Variants in CYP2J2 observed in about 807,000 individuals in gnomAD.
The protein encoded by CYP2J2 is cytochrome P450 family 2 subfamily J member 2.
A neutral mutation model predicts 48.8 loss-of-function variants in CYP2J2; 41 were observed. The ratio of observed to expected loss-of-function variants is 0.84; its 90% CI spans 0.66 to 1.09. The LOEUF is 1.09. Ranked by LOEUF, CYP2J2 falls within the 50% of genes least tolerant of loss-of-function variation. CYP2J2 has a pLI of 0.00. For synonymous variants in CYP2J2, 221 were observed against 227.1 expected (o/e 0.97, Z 0.24); for missense variants, 644 against 617.3 (o/e 1.04, Z -0.46).
chr1:59,915,780 A>G (rs1282922425), intron 2 of CYP2J2, among the ~76,000 whole-genome samples, 158 bp downstream of exon 2: 3 of 152,192 alleles, frequency 2.0e-5, no homozygotes, highest in Non-Finnish European at 4.4e-5. Context: ...AGTGACTTCA[A>G]TCAGGAAATG....
Position 59,915,592 on chromosome 1 carries a change from C to A in CYP2J2, c.373+346G>T, listed in dbSNP as rs1419659166. The stretch of plus-strand genomic sequence containing the variant: ...GAAGCAGCAGCAGGAGGAGGAAGAT[C>A]CACATCCATTTTCCTAAGGAGAGAG... On this transcript the variant is annotated intron_variant, in intron 2 of 8. Coordinates refer to ENST00000371204, the MANE Select transcript of CYP2J2 (RefSeq NM_000775.4). Among the ~76,000 whole-genome samples, 3 of 152,086 alleles carry A rather than the reference C, an allele frequency of 2.0e-5. 1 individual carries two copies. Among genetic ancestry groups the A allele is most frequent in the African/African-American group, 7.2e-5 (3 of 41,424 alleles).
the CYP2J2 span, among the ~76,000 whole-genome samples, chr1:59,935,520 A>G: frequency 2.6e-5 from 4 of 152,204 alleles, no homozygotes; most frequent in African/African-American, 9.7e-5. Flanking sequence ...GTTCACCTTG[A>G]ATATATACAA....
intron 2 of CYP2J2, chr1:59,913,059 C>G (rs1273932168): frequency 6.6e-6 from 1 of 152,170 alleles, no homozygotes; most frequent in African/African-American, 2.4e-5. Flanking sequence ...CTATGGCCTG[C>G]TCACCCACTG....
intron 8 of CYP2J2, among the ~76,000 whole-genome samples, chr1:59,896,101 C>T (rs1225689643): frequency 6.6e-6 from 1 of 152,072 alleles, no homozygotes; most frequent in African/African-American, 2.4e-5. Context: ...CTTCCCCAGC[C>T]CTGGAATCAG....
chr1:59,901,360 C>T (rs895678830), intron 7 of CYP2J2, among the ~76,000 whole-genome samples: 1 of 152,150 alleles, frequency 6.6e-6, no homozygotes, highest in African/African-American at 2.4e-5. Context: ...CAGGATCGAG[C>T]TTCCTTACAG....
At chr1:59,915,428 G>A (rs1644455910) in intron 2 of CYP2J2, among the ~76,000 whole-genome samples, 1 of 152,090 alleles carries the variant, frequency 6.6e-6, no homozygotes, top group African/African-American at 2.4e-5. Context: ...ATTTTTAAAT[G>A]TTTCATTATA....
At chr1:59,952,684 C>G in the CYP2J2 span, among the ~76,000 whole-genome samples, 2 of 152,128 alleles carry the variant, frequency 1.3e-5, no homozygotes, top group Admixed American at 6.5e-5. Context: ...ATCAGAAATA[C>G]AAGTACTCCA....
Position 59,911,692 on chromosome 1 carries a change from G to A in CYP2J2, c.600C>T (p.Arg200=). ...GAAACCAACTATCCTGGTACTCAAA[G>A]CGTTCTCCGAAGGTGATGGAGCAAA... ...NIICSITFGE[R]FEYQDSWFQQ... Residue 200 remains arginine (R), a synonymous_variant, in exon 4 of 9, where the codon CGC becomes CGT. Transcript: ENST00000371204. 1 of 1,613,672 alleles carries A rather than the reference G, an allele frequency of 6.2e-7. No individual in the cohort carries two copies. The highest frequency in any genetic ancestry group is 8.5e-7 in the Non-Finnish European group (1 of 1,179,694).
intron 1 of CYP2J2, among the ~76,000 whole-genome samples, chr1:59,918,781 T>C (rs1372952249): frequency 6.6e-6 from 1 of 150,872 alleles, no homozygotes; most frequent in Non-Finnish European, 1.5e-5. Flanking sequence ...AGAAAAGAAC[T>C]GAAACAGAAT....
At chr1:59,895,314 A>G (rs951658010) in intron 8 of CYP2J2, among the ~76,000 whole-genome samples, 2 of 152,256 alleles carry the variant, frequency 1.3e-5, no homozygotes, top group Non-Finnish European at 2.9e-5. Context: ...GCCTTTTTAA[A>G]GATTACAGAC....
intron 6 of CYP2J2, 21 bp from the exon 7 acceptor site, chr1:59,905,079 C>G: frequency 1.2e-6 from 2 of 1,600,338 alleles, no homozygotes; most frequent in Non-Finnish European, 8.5e-7. Context: ...GGGAAGGGTT[C>G]TATTATTTTT....
the CYP2J2 span, among the ~76,000 whole-genome samples, chr1:59,932,485 A>G: frequency 4.6e-5 from 7 of 152,186 alleles, no homozygotes; most frequent in Admixed American, 3.9e-4. Context: ...TATAAAAGTA[A>G]GTTCTAAGTT....
chr1:59,945,387 TTCTC>T, the CYP2J2 span, among the ~76,000 whole-genome samples: 8 of 151,330 alleles, frequency 5.3e-5, no homozygotes, highest in African/African-American at 1.2e-4. Flanking sequence ...GAAAGTAAAA[TTCTC>T]TCTATCTCTT....
chr1:59,904,934 G>T lies in CYP2J2; in HGVS notation c.1128C>A (p.Ile376=). 6.8e-6 allele frequency: 11 copies of T among 1,613,906 alleles called. No homozygotes were observed. Among genetic ancestry groups the T allele is most frequent in the Non-Finnish European group, 9.3e-6 (11 of 1,179,924 alleles). The change falls in exon 7 of 9, where the codon ATC becomes ATA. Residue 376 remains isoleucine (I), a synonymous_variant. Coordinates refer to ENST00000371204, the MANE Select transcript of CYP2J2 (RefSeq NM_000775.4). ...TCACTTCCCTGGGAACGTTCAGGGG[G>T]ATGATGTTGCCCATTCTCTGCACCT... is the stretch of plus-strand genomic sequence containing the variant. ...IHEVQRMGNI[I]PLNVPREVTV...
chr1:59,911,984 T>C (rs1211800765), intron 3 of CYP2J2, among the ~76,000 whole-genome samples, 178 bp downstream of exon 3: 1 of 152,210 alleles, frequency 6.6e-6, no homozygotes, highest in Non-Finnish European at 1.5e-5. Flanking sequence ...GTAATGTGTT[T>C]AGTGCCCATC....
At chr1:59,928,324 C>T (rs1443760441), upstream of CYP2J2, among the ~76,000 whole-genome samples, 2 of 151,926 alleles carry the variant, frequency 1.3e-5, no homozygotes, top group Non-Finnish European at 2.9e-5. Flanking sequence ...TAATTTAAGT[C>T]CCTGAAAATT....
At chr1:59,943,268 T>C in the CYP2J2 span, among the ~76,000 whole-genome samples, 1 of 152,036 alleles carries the variant, frequency 6.6e-6, no homozygotes, top group African/African-American at 2.4e-5. Context: ...TGCCAAAGCT[T>C]AGAAGTAGAA....
chr1:59,942,393 TCTC>T, the CYP2J2 span, among the ~76,000 whole-genome samples: 5 of 151,962 alleles, frequency 3.3e-5, no homozygotes, highest in African/African-American at 1.2e-4. Context: ...AAAAGATTCT[TCTC>T]CTAAAATGGG....
At chr1:59,950,069 T>C in the CYP2J2 span, among the ~76,000 whole-genome samples, 2 of 152,186 alleles carry the variant, frequency 1.3e-5, no homozygotes, top group Admixed American at 6.5e-5. Flanking sequence ...AACTAATGAA[T>C]TGCACTTTGA....
Sources: gnomAD v4.1 joint callset for allele counts (sites outside exome capture counted in the v4.1 genomes callset) on GRCh38, gnomAD v4.1.1 for gene constraint, MANE v1.5 for transcripts, NCBI Gene and HGNC (gene_info 2026-07-23, HGNC 2026-07-21) for gene names.